Variants in PDE4D observed in about 807,000 individuals in gnomAD.
The protein encoded by PDE4D is 3',5'-cyclic-AMP phosphodiesterase 4D.
A neutral mutation model predicts 87.4 loss-of-function variants in PDE4D; 24 were observed. That is an observed-to-expected ratio of 0.27 (90% confidence interval 0.20 to 0.39). The LOEUF (loss-of-function observed/expected upper bound fraction) is 0.39. PDE4D is among the 10% of genes least tolerant of loss of function. The pLI is 1.00. For synonymous variants in PDE4D, 384 were observed against 383.2 expected (o/e 1.00, Z -0.02); for missense variants, 714 against 1,041.0 (o/e 0.69, Z 4.32).
chr5:60,423,696 G>C (rs1360888775), intron 1 of PDE4D, among the ~76,000 whole-genome samples: 1 of 152,110 alleles, frequency 6.6e-6, no homozygotes, highest in Non-Finnish European at 1.5e-5. Context: ...ACTAAGATCA[G>C]AGGAGAACTG....
At chr5:59,387,613 C>T (rs1371534596) in intron 1 of PDE4D, among the ~76,000 whole-genome samples, 1 of 151,974 alleles carries the variant, frequency 6.6e-6, no homozygotes, top group African/African-American at 2.4e-5. Flanking sequence ...ACTGTCATGA[C>T]TTCATTAACC....
At chr5:59,336,738 A>G (rs888575164) in intron 1 of PDE4D, among the ~76,000 whole-genome samples, 2 of 152,204 alleles carry the variant, frequency 1.3e-5, no homozygotes, top group African/African-American at 4.8e-5. Context: ...GCTAATTAAT[A>G]TATCAAAATC....
At chr5:59,894,134 C>G (rs1453175086), upstream of PDE4D, among the ~76,000 whole-genome samples, 1 of 152,210 alleles carries the variant, frequency 6.6e-6, no homozygotes, top group South Asian at 2.1e-4. Flanking sequence ...CAAAACCACT[C>G]CAGCCAGTCA....
At chr5:59,607,193 A>G (rs940686001) in intron 1 of PDE4D, among the ~76,000 whole-genome samples, 2 of 152,134 alleles carry the variant, frequency 1.3e-5, no homozygotes, top group Non-Finnish European at 1.5e-5. Context: ...TTAGTTCCCC[A>G]TATGCAAAAT....
At chr5:60,150,935 G>A (rs1055900682) in intron 2 of PDE4D, among the ~76,000 whole-genome samples, 1 of 152,094 alleles carries the variant, frequency 6.6e-6, no homozygotes, top group Non-Finnish European at 1.5e-5. Context: ...TTTGGAAATG[G>A]CTCATATAGA....
chr5:59,880,202 C>T (rs765409960), intron 1 of PDE4D, among the ~76,000 whole-genome samples: 5 of 151,964 alleles, frequency 3.3e-5, no homozygotes, highest in African/African-American at 4.8e-5. Context: ...AACCCCTGGG[C>T]TCAAGCGATC....
intron 3 of PDE4D, chr5:59,987,980 G>A (rs1762611037): frequency 6.6e-6 from 1 of 152,492 alleles, no homozygotes; most frequent in Non-Finnish European, 1.5e-5. Flanking sequence ...ACTGGGAGCT[G>A]AAATAGTATT....
At chr5:59,039,812 T>G (rs1759344701) in intron 5 of PDE4D, 1 of 152,520 alleles carries the variant, frequency 6.6e-6, no homozygotes, top group Admixed American at 6.5e-5. Context: ...CGCGAGCGTG[T>G]GTGTCTGTGG....
intron 1 of PDE4D, among the ~76,000 whole-genome samples, chr5:59,616,968 G>T (rs1184009905): frequency 3.6e-5 from 3 of 82,592 alleles, no homozygotes; most frequent in Admixed American, 3.2e-4. Context: ...TAAAGTATTA[G>T]GTAATAAGTG....
At chr5:59,151,057 C>A (rs985151502) in intron 5 of PDE4D, among the ~76,000 whole-genome samples, 3 of 152,136 alleles carry the variant, frequency 2.0e-5, no homozygotes, top group African/African-American at 7.2e-5. Context: ...TGTGATGGTT[C>A]CCAAAACTTC....
At chr5:59,452,418 T>C (rs1371283500) in intron 1 of PDE4D, among the ~76,000 whole-genome samples, 1 of 152,150 alleles carries the variant, frequency 6.6e-6, no homozygotes, top group African/African-American at 2.4e-5. Flanking sequence ...AAATGCCAAA[T>C]AGGGGACTGT....
intron 1 of PDE4D, among the ~76,000 whole-genome samples, chr5:59,333,319 T>C (rs1777074383): frequency 6.6e-6 from 1 of 152,172 alleles, no homozygotes; most frequent in African/African-American, 2.4e-5. Context: ...GGGATTGTTA[T>C]TAACTATTTT....
intron 1 of PDE4D, among the ~76,000 whole-genome samples, chr5:60,219,846 G>A (rs942526897): frequency 1.3e-5 from 2 of 152,162 alleles, no homozygotes; most frequent in African/African-American, 2.4e-5. Flanking sequence ...GAAATAAGAT[G>A]CTTGCAGCTA....
At chr5:59,725,478 G>C (rs1756468657) in intron 1 of PDE4D, among the ~76,000 whole-genome samples, 2 of 152,082 alleles carry the variant, frequency 1.3e-5, no homozygotes, top group Non-Finnish European at 2.9e-5. Context: ...AAAAGAGCAA[G>C]AGGACTTTCT....
intron 2 of PDE4D, among the ~76,000 whole-genome samples, chr5:60,180,003 G>T (rs1784252188): frequency 6.6e-6 from 1 of 151,992 alleles, no homozygotes; most frequent in Non-Finnish European, 1.5e-5. Context: ...TGTATCTGTG[G>T]TGTTTACACT....
chr5:59,360,022 T>A (rs35476254), intron 1 of PDE4D, among the ~76,000 whole-genome samples: 12,697 of 152,222 alleles, frequency 0.083, 630 homozygotes, highest in Middle Eastern at 0.14. Context: ...AAATAAGGCA[T>A]CGTTTTTGCC....
chr5:60,229,888 T>A (rs1051202524), intron 1 of PDE4D, among the ~76,000 whole-genome samples: 2 of 152,146 alleles, frequency 1.3e-5, no homozygotes, highest in Non-Finnish European at 2.9e-5. Flanking sequence ...AATCTGGAAT[T>A]CAGCCCAATC....
intron 1 of PDE4D, among the ~76,000 whole-genome samples, chr5:60,470,238 A>T (rs143409494): frequency 2.4e-4 from 37 of 152,330 alleles, no homozygotes; most frequent in Non-Finnish European, 4.3e-4. Flanking sequence ...CAATTCTACA[A>T]GGGCTGAGAG....
At chr5:59,602,897 A>G (rs1827715953) in intron 1 of PDE4D, among the ~76,000 whole-genome samples, 1 of 152,054 alleles carries the variant, frequency 6.6e-6, no homozygotes, top group South Asian at 2.1e-4. Flanking sequence ...TCTACAGTGA[A>G]CTTATTTTCA....
Sources: allele counts gnomAD v4.1 joint callset (sites outside exome capture counted in the v4.1 genomes callset), GRCh38; gene constraint gnomAD v4.1.1; transcripts MANE v1.5; gene names NCBI Gene and HGNC (gene_info 2026-07-23, HGNC 2026-07-21).